KIRREL3: variants seen among roughly 807,000 people sequenced by gnomAD.
KIRREL3 encodes the protein kin of IRRE-like protein 3.
KIRREL3 carries 36 observed loss-of-function variants against 89.7 expected under a neutral mutation model. The observed-to-expected ratio is 0.40, with a 90% CI of 0.31 to 0.53. The LOEUF (loss-of-function observed/expected upper bound fraction) is 0.53, where lower values mean the gene tolerates loss of function less well. Among genes scored for constraint, KIRREL3 ranks in the 20% least tolerant of loss-of-function variants. KIRREL3 has a pLI of 0.49. For missense variants in KIRREL3, 864 were observed against 1,056.6 expected, an observed-to-expected ratio of 0.82 and a Z score of 2.53; for synonymous variants, 445 against 441.4, an observed-to-expected ratio of 1.01 and a Z score of -0.10.
At position 126,870,591 on chromosome 11, in the gene KIRREL3, C is replaced by T. The variant is rs1046756498; in HGVS notation, c.55+129864G>A. Reference sequence around the variant, plus strand: ...CTGGCTCCACCATACCCTCACCATGCCAGGCTTGGCAGGCCCCAAACTGGA... The same window carrying T: ...CTGGCTCCACCATACCCTCACCATGTCAGGCTTGGCAGGCCCCAAACTGGA... On this transcript the variant is annotated intron_variant, in intron 1 of 16. Transcript: ENST00000525144. The surrounding 1 kb of genome is among the most constrained non-coding windows in gnomAD (Gnocchi z 4.4). Among the ~76,000 whole-genome samples the T allele has an allele frequency of 5.9e-5, 9 of 152,214 alleles. No individual in the cohort carries two copies. Among genetic ancestry groups the T allele is most frequent in the Non-Finnish European group, 8.8e-5 (6 of 68,036 alleles).
intron 1 of KIRREL3, among the ~76,000 whole-genome samples, chr11:126,784,964 C>A (rs1302883715): frequency 6.6e-6 from 1 of 152,152 alleles, no homozygotes; most frequent in African/African-American, 2.4e-5. Flanking sequence ...CCTTCCAAGC[C>A]CGGAGAGTTA....
rs142842392 is a variant in KIRREL3, at chr11:126,860,500, GA to G, written c.55+139954del. On this transcript the variant is annotated intron_variant, in intron 1 of 16. Transcript: ENST00000525144. This position sits in a 1 kb window ranked among gnomAD's most constrained non-coding sequence, Gnocchi z 4.6. Reference sequence around the variant, plus strand: ...AAGGAAGAGTTTGAGCAAAGGAGGAGAAGTGCATGACCTTCTCAAGACGTAG... The same window carrying G: ...AAGGAAGAGTTTGAGCAAAGGAGGAGAGTGCATGACCTTCTCAAGACGTAG... Among the ~76,000 whole-genome samples, 5,271 of 152,274 alleles carry G rather than the reference GA, an allele frequency of 0.035. 112 individuals are homozygous for G. The highest frequency in any genetic ancestry group is 0.056 in the African/African-American group (2,308 of 41,544).
chr11:126,770,370 A>C (rs369648275), intron 1 of KIRREL3, among the ~76,000 whole-genome samples: 2 of 152,274 alleles, frequency 1.3e-5, no homozygotes, highest in East Asian at 3.9e-4. Flanking sequence ...CCCGTCAGTC[A>C]CTGTTCCTGT....
intron 7 of KIRREL3, among the ~76,000 whole-genome samples, chr11:126,451,167 ATG>A (rs1171787491): frequency 2.8e-4 from 30 of 108,580 alleles, no homozygotes; most frequent in African/African-American, 7.7e-4. Flanking sequence ...GCACGTGTGA[ATG>A]TGTACATGTG....
chr11:126,698,008 C>T (rs1308893159), intron 1 of KIRREL3, among the ~76,000 whole-genome samples: 2 of 152,106 alleles, frequency 1.3e-5, no homozygotes, highest in Non-Finnish European at 2.9e-5. Flanking sequence ...CAAAGTCAAG[C>T]ACAATAATAA....
chr11:126,853,960 C>A (rs1454038490), intron 1 of KIRREL3, among the ~76,000 whole-genome samples: 3 of 152,120 alleles, frequency 2.0e-5, no homozygotes, highest in African/African-American at 7.2e-5. Flanking sequence ...TTATTCAACC[C>A]TTTGCATCAA....
At chr11:126,956,294 C>T (rs1241761236) in intron 1 of KIRREL3, among the ~76,000 whole-genome samples, 1 of 152,226 alleles carries the variant, frequency 6.6e-6, no homozygotes, top group African/African-American at 2.4e-5. Flanking sequence ...CTCAGCTCTC[C>T]TTCTTACTCC....
rs755755319 is a variant in KIRREL3 at position 126,739,551 on chromosome 11, C to T, written c.56-176639G>A. ...ATGAGATCCAGGCAGCTGGTGCTGACAGTGGCCTGTTCATACTCTTCCTGA... is the reference window on the plus strand; with the variant it reads ...ATGAGATCCAGGCAGCTGGTGCTGATAGTGGCCTGTTCATACTCTTCCTGA... On this transcript the variant is annotated intron_variant, in intron 1 of 16. Coordinates refer to ENST00000525144, the MANE Select transcript of KIRREL3 (RefSeq NM_032531.4). This position sits in a 1 kb window ranked among gnomAD's most constrained non-coding sequence, Gnocchi z 5.5. 1.3e-5 allele frequency among the ~76,000 whole-genome samples: 2 copies of T among 152,200 alleles called. No individual in the cohort carries two copies. Among genetic ancestry groups the T allele is most frequent in the Non-Finnish European group, 2.9e-5 (2 of 68,048 alleles).
chr11:126,978,345 T>A lies in KIRREL3; in HGVS notation c.55+22110A>T, dbSNP rs949012197. 2.6e-5 allele frequency among the ~76,000 whole-genome samples: 4 copies of A among 152,208 alleles called. No homozygotes were observed. Among genetic ancestry groups the A allele is most frequent in the Non-Finnish European group, 5.9e-5 (4 of 68,044 alleles). ...ACCTTCCCTTCAAACTTTAGCCAAT[T>A]AGGTTTCCTCCATTCTTATGTGTGG... On this transcript the variant is annotated intron_variant, in intron 1 of 16. Transcript: ENST00000525144. The surrounding 1 kb of genome is among the most constrained non-coding windows in gnomAD (Gnocchi z 4.2).
At chr11:126,926,423 G>C (rs891876879) in intron 1 of KIRREL3, among the ~76,000 whole-genome samples, 2 of 152,206 alleles carry the variant, frequency 1.3e-5, no homozygotes, top group Non-Finnish European at 2.9e-5. Context: ...ATGGTAATGA[G>C]CAGCTCTCTT....
At chr11:126,706,895 A>G (rs1383937561) in intron 1 of KIRREL3, among the ~76,000 whole-genome samples, 2 of 150,812 alleles carry the variant, frequency 1.3e-5, no homozygotes, top group African/African-American at 4.9e-5. Context: ...TTAGCTCTTT[A>G]TCAGTCATTT....
chr11:126,562,854 C>T lies in KIRREL3; in HGVS notation c.114G>A (p.Lys38=). The change falls in exon 2 of 17, where the codon AAG becomes AAA. Residue 38 remains lysine, a synonymous_variant. Coordinates refer to ENST00000525144, the MANE Select transcript of KIRREL3 (RefSeq NM_032531.4). This position sits in a 1 kb window ranked among gnomAD's most constrained non-coding sequence, Gnocchi z 4.7. ...CLVLGYMAKD[K]FRRMNEGQVY... ...ACTGACCTTCATTCATTCTCCGAAA[C>T]TTGTCCTTGGCCATGTAGCCCAGCA... 1 of 1,613,884 alleles carries T rather than the reference C, an allele frequency of 6.2e-7. No homozygotes were observed. Among genetic ancestry groups the T allele is most frequent in the Middle Eastern group, 1.6e-4 (1 of 6,062 alleles).
intron 1 of KIRREL3, among the ~76,000 whole-genome samples, chr11:126,717,542 C>T (rs1323383816): frequency 6.6e-6 from 1 of 152,146 alleles, no homozygotes; most frequent in Non-Finnish European, 1.5e-5. Context: ...GTTGGCGTGG[C>T]CAGGCTTGGG....
Position 126,788,362 on chromosome 11 carries a change from T to A in KIRREL3, c.55+212093A>T, listed in dbSNP as rs796811957. On this transcript the variant is annotated intron_variant, in intron 1 of 16. Coordinates refer to ENST00000525144, the MANE Select transcript of KIRREL3 (RefSeq NM_032531.4). This position sits in a 1 kb window ranked among gnomAD's most constrained non-coding sequence, Gnocchi z 4.1. ...ACTCAGACAGGGTATGCAAGTTGCA[T>A]TTGACATTTCTGCAGGGTCTGTGGC... 5.9e-5 allele frequency among the ~76,000 whole-genome samples: 9 copies of A among 152,312 alleles called. No homozygotes were observed. Among genetic ancestry groups the A allele is most frequent in the African/African-American group, 1.7e-4 (7 of 41,568 alleles).
rs1948820016 is a variant in KIRREL3 at position 126,953,244 on chromosome 11, A to C, written c.55+47211T>G. 6.6e-6 allele frequency among the ~76,000 whole-genome samples: 1 copy of C among 152,144 alleles called. No homozygotes were observed. Among genetic ancestry groups the C allele is most frequent in the African/African-American group, 2.4e-5 (1 of 41,420 alleles). On this transcript the variant is annotated intron_variant, in intron 1 of 16. Coordinates refer to ENST00000525144, the MANE Select transcript of KIRREL3 (RefSeq NM_032531.4). This position sits in a 1 kb window ranked among gnomAD's most constrained non-coding sequence, Gnocchi z 5.2. ...AAACTAACACAGGAACAGAAAACCA[A>C]ATATCACATGTTCTCACTCATAAGT...
chr11:126,615,642 C>A lies in KIRREL3; in HGVS notation c.56-52730G>T, dbSNP rs1225946689. On this transcript the variant is annotated intron_variant, in intron 1 of 16. Transcript: ENST00000525144. The surrounding 1 kb of genome is among the most constrained non-coding windows in gnomAD (Gnocchi z 5.4). Reference sequence around the variant, plus strand: ...TAAGTATGGATTGAGTTAGGACAGTCCCAGATGATGATGGAGCCAGGAGCT... The same window carrying A: ...TAAGTATGGATTGAGTTAGGACAGTACCAGATGATGATGGAGCCAGGAGCT... Among the ~76,000 whole-genome samples the A allele has an allele frequency of 6.6e-6, 1 of 152,104 alleles. No homozygotes were observed. Among genetic ancestry groups the A allele is most frequent in the African/African-American group, 2.4e-5 (1 of 41,428 alleles).
intron 1 of KIRREL3, among the ~76,000 whole-genome samples, chr11:126,875,597 C>T (rs1192532666): frequency 2.0e-5 from 3 of 152,192 alleles, no homozygotes; most frequent in East Asian, 3.8e-4. Context: ...AATTAAGATG[C>T]TACCAAAGTC....
rs1943048997 is a variant in KIRREL3, at chr11:126,798,323, G to T, written c.55+202132C>A. Reference sequence around the variant, plus strand: ...GGACCCTCCCTTATTGCTTGCTGGGGTTCCTAACCTGCTGGCTGATGTTCA... The same window carrying T: ...GGACCCTCCCTTATTGCTTGCTGGGTTTCCTAACCTGCTGGCTGATGTTCA... On this transcript the variant is annotated intron_variant, in intron 1 of 16. Coordinates refer to ENST00000525144, the MANE Select transcript of KIRREL3 (RefSeq NM_032531.4). 2.6e-5 allele frequency among the ~76,000 whole-genome samples: 4 copies of T among 152,266 alleles called. No individual in the cohort carries two copies. In the South Asian group the frequency reaches 6.2e-4, roughly 24 times the overall value.
At position 126,526,632 on chromosome 11, in the gene KIRREL3, C is replaced by T. The variant is rs1958764481; in HGVS notation, c.189G>A (p.Gln63=). Reference sequence around the variant, plus strand: ...GGATGGCGCAAAGTAGCGTCACTGGCTGTCCCGACACCACCACCTGGTCCT... The same window carrying T: ...GGATGGCGCAAAGTAGCGTCACTGGTTGTCCCGACACCACCACCTGGTCCT... ...QPQDQVVVSG[Q]PVTLLCAIPE... is the part of the protein sequence containing the mutation. Residue 63 remains glutamine, a synonymous_variant, in exon 3 of 17, where the codon CAG becomes CAA. Transcript: ENST00000525144. This position sits in a 1 kb window ranked among gnomAD's most constrained non-coding sequence, Gnocchi z 5.7. 6.3e-7 allele frequency: 1 copy of T among 1,592,948 alleles called. No homozygotes were observed. Among genetic ancestry groups the T allele is most frequent in the Non-Finnish European group, 8.5e-7 (1 of 1,169,946 alleles).
Sources: gnomAD v4.1 joint callset for allele counts (sites outside exome capture counted in the v4.1 genomes callset) on GRCh38, gnomAD v4.1.1 for gene constraint, Gnocchi (gnomAD v3.1) non-coding constraint, MANE v1.5 for transcripts, NCBI Gene and HGNC (gene_info 2026-07-23, HGNC 2026-07-21) for gene names.